Variants in ARHGAP6 observed in about 807,000 individuals in gnomAD.
ARHGAP6 encodes rho GTPase-activating protein 6.
In ARHGAP6, 16 loss-of-function variants were observed where a neutral mutation model predicts 55.7. The observed-to-expected ratio is 0.29, with a 90% CI of 0.19 to 0.44. The LOEUF is 0.44. ARHGAP6 is among the 20% of genes least tolerant of loss of function. ARHGAP6 has a pLI of 1.00. For synonymous variants in ARHGAP6, 382 were observed against 360.9 expected (o/e 1.06, Z -0.66); for missense variants, 698 against 808.9 (o/e 0.86, Z 1.66).
chrX:11,621,017 G>T (rs1254064279), intron 1 of ARHGAP6, among the ~76,000 whole-genome samples: 1 of 112,031 alleles, frequency 8.9e-6, no homozygotes, highest in African/African-American at 3.2e-5. Context: ...GACTGGCTCT[G>T]CATTATTTTA....
intron 1 of ARHGAP6, among the ~76,000 whole-genome samples, chrX:11,631,296 G>A (rs1000468636): frequency 9.9e-5 from 11 of 110,861 alleles, no homozygotes; most frequent in Admixed American, 2.9e-4. Flanking sequence ...AGGCCGAGCC[G>A]GGTGGATCAC....
intron 1 of ARHGAP6, among the ~76,000 whole-genome samples, chrX:11,277,453 A>G (rs1269920252): frequency 9.0e-6 from 1 of 111,718 alleles, no homozygotes; most frequent in Non-Finnish European, 1.9e-5. Context: ...AAAAAAACGT[A>G]GACAACATGA....
At chrX:11,209,656 T>C (rs2147385694) in intron 2 of ARHGAP6, among the ~76,000 whole-genome samples, 1 of 112,608 alleles carries the variant, frequency 8.9e-6, no homozygotes, top group East Asian at 2.8e-4. Context: ...CAGAACTGTA[T>C]TTTAAAACAA....
intron 10 of ARHGAP6, among the ~76,000 whole-genome samples, chrX:11,154,364 G>A (rs977640493): frequency 2.7e-5 from 3 of 111,994 alleles, no homozygotes; most frequent in African/African-American, 9.8e-5. Flanking sequence ...CTGGACAATT[G>A]TACAGCTTGG....
chrX:11,622,589 T>C (rs1362552834), intron 1 of ARHGAP6, among the ~76,000 whole-genome samples: 1 of 111,539 alleles, frequency 9.0e-6, no homozygotes, highest in South Asian at 3.7e-4. Flanking sequence ...TGGACCCTGC[T>C]GTGTCACAAA....
At chrX:11,548,163 T>C (rs1295471996) in intron 1 of ARHGAP6, among the ~76,000 whole-genome samples, 1 of 112,475 alleles carries the variant, frequency 8.9e-6, no homozygotes, top group Non-Finnish European at 1.9e-5. Context: ...TACATATTTA[T>C]GGGATACAGA....
chrX:11,525,538 A>C (rs1032634014), intron 1 of ARHGAP6, among the ~76,000 whole-genome samples: 2 of 112,258 alleles, frequency 1.8e-5, no homozygotes, highest in African/African-American at 6.5e-5. Flanking sequence ...TGCAGAAATT[A>C]GGCTCCCAAC....
At position 11,563,405 on chromosome X, in the gene ARHGAP6, T is replaced by C. The variant is rs907492583; in HGVS notation, c.588+100836A>G. Among the ~76,000 whole-genome samples the C allele has an allele frequency of 1.9e-4, 21 of 111,798 alleles. 1 individual carries two copies. Among genetic ancestry groups the C allele is most frequent in the Middle Eastern group, 4.6e-3 (1 of 216 alleles). The stretch of plus-strand genomic sequence containing the variant: ...GAACAGGCATTATGGAAATGTGTTA[T>C]GAAGAAAACTCAGTATTATTGTTCT... On this transcript the variant is annotated intron_variant, in intron 1 of 12. Coordinates refer to ENST00000337414, the MANE Select transcript of ARHGAP6 (RefSeq NM_013427.3).
intron 1 of ARHGAP6, among the ~76,000 whole-genome samples, chrX:11,569,823 A>G (rs2051491455): frequency 8.9e-6 from 1 of 112,063 alleles, no homozygotes; most frequent in Admixed American, 9.5e-5. Flanking sequence ...CATTCCACAG[A>G]GGACTCAACA....
chrX:11,607,575 G>T (rs1324370449), intron 1 of ARHGAP6, among the ~76,000 whole-genome samples: 1 of 112,323 alleles, frequency 8.9e-6, no homozygotes. Context: ...GAAGCTAACA[G>T]AATTATAGAC....
chrX:11,567,293 T>TTATC (rs1034344232), intron 1 of ARHGAP6, among the ~76,000 whole-genome samples: 2 of 111,102 alleles, frequency 1.8e-5, no homozygotes, highest in African/African-American at 3.3e-5. Context: ...CCGAGGTGTG[T>TTATC]TATCACACAA....
At chrX:11,371,907 C>G (rs762686445) in intron 1 of ARHGAP6, among the ~76,000 whole-genome samples, 1 of 112,284 alleles carries the variant, frequency 8.9e-6, no homozygotes, top group Admixed American at 9.4e-5. Flanking sequence ...TCATTTTAAT[C>G]TAGATTTAAT....
chrX:11,399,354 C>CAAAAAAAAAAAAA (rs56197001), intron 1 of ARHGAP6, among the ~76,000 whole-genome samples: 8 of 35,276 alleles, frequency 2.3e-4, no homozygotes, highest in Non-Finnish European at 4.0e-4. Flanking sequence ...AATAAGCAAT[C>CAAAAAAAAAAAAA]AAAAAAAAAA....
intron 9 of ARHGAP6, among the ~76,000 whole-genome samples, chrX:11,158,494 A>T (rs2045894957): frequency 8.9e-6 from 1 of 112,599 alleles, no homozygotes; most frequent in Non-Finnish European, 1.9e-5. Context: ...TTTGCATTGC[A>T]AAGAAAAATA....
At chrX:11,598,600 T>C (rs2051932129) in intron 1 of ARHGAP6, among the ~76,000 whole-genome samples, 2 of 112,254 alleles carry the variant, frequency 1.8e-5, no homozygotes, top group Non-Finnish European at 3.8e-5. Flanking sequence ...AAACACGCAG[T>C]GTTTAGTTTT....
intron 1 of ARHGAP6, among the ~76,000 whole-genome samples, chrX:11,506,679 G>A (rs2050736367): frequency 1.8e-5 from 2 of 111,753 alleles, no homozygotes; most frequent in African/African-American, 6.5e-5. Context: ...TTGCTATTGT[G>A]AATAGTGCCG....
intron 8 of ARHGAP6, among the ~76,000 whole-genome samples, chrX:11,169,942 G>A (rs1035075168): frequency 9.1e-6 from 1 of 110,425 alleles, no homozygotes; most frequent in African/African-American, 3.3e-5. Context: ...ATTGTAAAAT[G>A]GGTACTACAT....
chrX:11,220,995 A>G (rs1378587909), intron 2 of ARHGAP6, among the ~76,000 whole-genome samples: 2 of 111,584 alleles, frequency 1.8e-5, no homozygotes, highest in Non-Finnish European at 3.8e-5. Context: ...AGTCTCTGAT[A>G]AAACAGACTT....
chrX:11,578,369 A>G (rs1176148070), intron 1 of ARHGAP6, among the ~76,000 whole-genome samples: 1 of 112,398 alleles, frequency 8.9e-6, no homozygotes, highest in African/African-American at 3.2e-5. Flanking sequence ...TTTTGGGCAA[A>G]GGATATGAAC....
Sources: gnomAD v4.1 joint callset for allele counts (sites outside exome capture counted in the v4.1 genomes callset) on GRCh38, gnomAD v4.1.1 for gene constraint, MANE v1.5 for transcripts, NCBI Gene and HGNC (gene_info 2026-07-23, HGNC 2026-07-21) for gene names.